CCDC178: variants seen among roughly 807,000 people sequenced by gnomAD.
CCDC178 encodes the protein coiled-coil domain-containing protein 178.
Under a neutral mutation model 117.4 loss-of-function variants are expected in CCDC178, and 126 were observed. The observed-to-expected ratio is 1.07, with a 90% CI of 0.93 to 1.24. The LOEUF (loss-of-function observed/expected upper bound fraction) is 1.24. Ranked by LOEUF, CCDC178 falls within the 50% of genes most tolerant of loss-of-function variation. The pLI, the probability that CCDC178 is intolerant of heterozygous loss-of-function variation, is 0.00. For synonymous variants in CCDC178, 283 were observed against 313.4 expected, an observed-to-expected ratio of 0.90 and a Z score of 1.02; for missense variants, 1,030 against 986.9, an observed-to-expected ratio of 1.04 and a Z score of -0.59.
chr18:33,246,934 T>A lies in CCDC178; in HGVS notation c.1410-1506A>T, dbSNP rs542070468. On this transcript the variant is annotated intron_variant, in intron 14 of 22. Transcript: ENST00000383096. Reference sequence around the variant, plus strand: ...GGGAATCAGAAAAGATGACCATAAATGGAAGAATTTAAAGATTGGTTAATT... The same window carrying A: ...GGGAATCAGAAAAGATGACCATAAAAGGAAGAATTTAAAGATTGGTTAATT... Among the ~76,000 whole-genome samples, 4 of 151,862 alleles carry A rather than the reference T, an allele frequency of 2.6e-5. No homozygotes were observed. The South Asian group carries it at 8.3e-4, about 32-fold the overall frequency.
At chr18:33,092,660 T>G in intron 21 of CCDC178, 101 bp downstream of exon 21, 2 of 666,740 alleles carry the variant, frequency 3.0e-6, no homozygotes. Flanking sequence ...ATGTTGTGGA[T>G]ATCATCGTCA....
intron 20 of CCDC178, among the ~76,000 whole-genome samples, chr18:33,130,570 G>C (rs1174385567): frequency 6.6e-6 from 1 of 151,946 alleles, no homozygotes; most frequent in African/African-American, 2.4e-5. Flanking sequence ...AGAGTGTTAG[G>C]TTCCAAGGTC....
chr18:32,952,298 C>T (rs1034017579), intron 22 of CCDC178, among the ~76,000 whole-genome samples: 1 of 152,258 alleles, frequency 6.6e-6, no homozygotes, highest in Non-Finnish European at 1.5e-5. Flanking sequence ...CTGCAGCAAA[C>T]TTCTGCCTGA....
At chr18:33,060,471 T>C (rs1243432096) in intron 21 of CCDC178, among the ~76,000 whole-genome samples, 1 of 152,140 alleles carries the variant, frequency 6.6e-6, no homozygotes, top group East Asian at 1.9e-4. Context: ...AATATGATTG[T>C]CAAATAAGTA....
chr18:33,085,598 T>C (rs904353601), intron 21 of CCDC178, among the ~76,000 whole-genome samples: 2 of 152,138 alleles, frequency 1.3e-5, no homozygotes, highest in African/African-American at 4.8e-5. Flanking sequence ...AACGTATTTT[T>C]ATGCTTCATG....
At chr18:33,379,212 CATATATAT>C (rs781501071) in intron 5 of CCDC178, among the ~76,000 whole-genome samples, 1 of 134,678 alleles carries the variant, frequency 7.4e-6, no homozygotes, top group Non-Finnish European at 1.6e-5. Context: ...TATATATTTC[CATATATAT>C]ATATATCTTT....
At chr18:33,198,188 G>A (rs903158871) in intron 20 of CCDC178, among the ~76,000 whole-genome samples, 1 of 152,122 alleles carries the variant, frequency 6.6e-6, no homozygotes, top group African/African-American at 2.4e-5. Context: ...CTTTAACAGG[G>A]AACACTTGGT....
At chr18:33,012,199 T>G (rs2055884904) in intron 21 of CCDC178, among the ~76,000 whole-genome samples, 1 of 152,250 alleles carries the variant, frequency 6.6e-6, no homozygotes, top group South Asian at 2.1e-4. Flanking sequence ...AAATGTTATT[T>G]CTGCAAAACA....
chr18:33,257,820 A>G (rs939786691), intron 14 of CCDC178, among the ~76,000 whole-genome samples: 3 of 152,068 alleles, frequency 2.0e-5, no homozygotes, highest in African/African-American at 7.2e-5. Context: ...CTGTAAACCA[A>G]TGTACCTAAT....
chr18:33,344,031 G>A (rs933237697), intron 9 of CCDC178, among the ~76,000 whole-genome samples: 1 of 152,028 alleles, frequency 6.6e-6, no homozygotes, highest in Non-Finnish European at 1.5e-5. Context: ...ACGGCCGGGC[G>A]CGGTGGCTCA....
At chr18:33,074,811 G>T (rs572887259) in intron 21 of CCDC178, among the ~76,000 whole-genome samples, 3 of 152,296 alleles carry the variant, frequency 2.0e-5, no homozygotes, top group South Asian at 2.1e-4. Context: ...AATGGAAAGT[G>T]ATGAAAACTG....
chr18:33,325,690 T>C (rs2062575281), intron 10 of CCDC178, among the ~76,000 whole-genome samples: 2 of 152,196 alleles, frequency 1.3e-5, no homozygotes, highest in South Asian at 2.1e-4. Flanking sequence ...TTCCCTTTGA[T>C]ACTGGAATAA....
At chr18:33,419,629 A>G (rs935233288) in intron 2 of CCDC178, among the ~76,000 whole-genome samples, 6 of 152,208 alleles carry the variant, frequency 3.9e-5, no homozygotes, top group African/African-American at 1.4e-4. Context: ...TGGGCAAACG[A>G]CATGTAGACT....
chr18:33,340,523 C>A (rs1469841827), intron 9 of CCDC178, among the ~76,000 whole-genome samples: 1 of 152,182 alleles, frequency 6.6e-6, no homozygotes, highest in African/African-American at 2.4e-5. Flanking sequence ...ATGTCAGACA[C>A]CTTCATGGCA....
At chr18:32,971,162 C>T (rs1230658441) in intron 22 of CCDC178, among the ~76,000 whole-genome samples, 1 of 151,860 alleles carries the variant, frequency 6.6e-6, no homozygotes, top group Non-Finnish European at 1.5e-5. Flanking sequence ...TCCTAATGTT[C>T]TCCCTCCCCT....
intron 3 of CCDC178, among the ~76,000 whole-genome samples, chr18:33,403,711 T>C (rs1482085725): frequency 6.6e-6 from 1 of 152,146 alleles, no homozygotes; most frequent in East Asian, 1.9e-4. Context: ...CCCCAAAAAC[T>C]GGAGGGTCAG....
chr18:33,421,493 A>G lies in CCDC178; in HGVS notation c.-22-9383T>C, dbSNP rs968667806. On this transcript the variant is annotated intron_variant, in intron 2 of 22. Coordinates refer to ENST00000383096, the MANE Select transcript of CCDC178 (RefSeq NM_001105528.4). ...CAGTTGTGGTTTTGTTGGTAGCTCA[A>G]AATGAACCATGGTGAATAGATTTAT... Among the ~76,000 whole-genome samples the G allele has an allele frequency of 2.0e-5, 3 of 152,226 alleles. No individual in the cohort carries two copies. The South Asian group carries it at 6.2e-4, about 32-fold the overall frequency.
chr18:33,224,862 G>T lies in CCDC178; in HGVS notation c.1731C>A (p.Ala577=). 6.3e-7 allele frequency: 1 copy of T among 1,585,146 alleles called. No individual in the cohort carries two copies. The highest frequency in any genetic ancestry group is 8.6e-7 in the Non-Finnish European group (1 of 1,164,538). The change falls in exon 17 of 23, where the codon GCC becomes GCA. Residue 577 remains alanine (A), a synonymous_variant. Transcript: ENST00000383096. ...GTTCCTGTAGTTCTGCCAGTGACAT[G>T]GCACATATTGCTCTATTTTTTATAA... ...KELIKNRAIC[A]MSLAELQEPL...
intron 12 of CCDC178, among the ~76,000 whole-genome samples, chr18:33,267,629 T>C (rs2059834599): frequency 6.6e-6 from 1 of 151,602 alleles, no homozygotes; most frequent in Admixed American, 6.6e-5. Context: ...GAATGTATCC[T>C]CATTAGACTC....
Sources: allele counts gnomAD v4.1 joint callset (sites outside exome capture counted in the v4.1 genomes callset), GRCh38; gene constraint gnomAD v4.1.1; transcripts MANE v1.5; gene names NCBI Gene and HGNC (gene_info 2026-07-23, HGNC 2026-07-21).